Variants in MGAM observed in about 807,000 individuals in gnomAD.
MGAM encodes the protein alpha-1,4-glucosidase.
Under a neutral mutation model 358.8 loss-of-function variants are expected in MGAM, and 253 were observed. That is an observed-to-expected ratio of 0.71 (90% confidence interval 0.64 to 0.78). The LOEUF (loss-of-function observed/expected upper bound fraction) is 0.78, where lower values mean the gene tolerates loss of function less well. MGAM is among the 30% of genes least tolerant of loss of function. The pLI, the probability that MGAM is intolerant of heterozygous loss-of-function variation, is 0.00. For missense variants in MGAM, 3,080 were observed against 3,432.6 expected, an observed-to-expected ratio of 0.90 and a Z score of 2.57; for synonymous variants, 1,105 against 1,227.1, an observed-to-expected ratio of 0.90 and a Z score of 2.08.
rs906251507 is a variant in MGAM, at chr7:142,021,176, A to G, written c.558+93A>G. ...TTACTACAAAATAGAAAATTTTGCTACTGGATGTATTTTTCTATATTGCTA... is the reference window on the plus strand; with the variant it reads ...TTACTACAAAATAGAAAATTTTGCTGCTGGATGTATTTTTCTATATTGCTA... On this transcript the variant is annotated intron_variant, in intron 5 of 70. Transcript: ENST00000475668. 2.3e-4 allele frequency: 197 copies of G among 859,506 alleles called. No homozygotes were observed. The African/African-American group carries it at 2.7e-3, about 12-fold the overall frequency. 53.2% of individuals were successfully genotyped at this position (859,506 alleles called of 1,614,324 possible).
chr7:142,016,425 T>C (rs1805982141), intron 3 of MGAM, among the ~76,000 whole-genome samples: 1 of 152,230 alleles, frequency 6.6e-6, no homozygotes, highest in African/African-American at 2.4e-5. Flanking sequence ...AATTTTACCT[T>C]GTGATTCTTT....
chr7:142,080,868 G>A lies in MGAM; in HGVS notation c.5925G>A (p.Glu1975=). 1.3e-6 allele frequency: 2 copies of A among 1,556,626 alleles called. No homozygotes were observed. The highest frequency in any genetic ancestry group is 2.2e-5 in the South Asian group (2 of 89,256). Residue 1975 remains glutamate, a synonymous_variant, in exon 50 of 71, where the codon GAG becomes GAA. Transcript: ENST00000475668. The part of the protein sequence containing the change: ...NIPSVPSSTP[E]GQLYDVLIKK... The stretch of plus-strand genomic sequence containing the variant: ...CCAGCGTGCCATCCAGCACCCCTGA[G>A]GGTCAACTCTATGATGTCCTCATTA...
intron 21 of MGAM, among the ~76,000 whole-genome samples, chr7:142,045,825 T>C (rs1253575131): frequency 8.1e-6 from 1 of 123,228 alleles, no homozygotes; most frequent in African/African-American, 3.3e-5. Context: ...ATATATGATA[T>C]ATATTATATA....
At position 142,059,579 on chromosome 7, in the gene MGAM, G is replaced by A; in HGVS notation, c.3927G>A (p.Gly1309=). 6.2e-7 allele frequency: 1 copy of A among 1,611,776 alleles called. No individual in the cohort carries two copies. Among genetic ancestry groups the A allele is most frequent in the East Asian group, 2.2e-5 (1 of 44,882 alleles). ...TGATCAATCGCATGAAGGCTGATGG[G>A]ATGCGGGTCATCCTCATTCTGGTTA... ...PALINRMKAD[G]MRVILILDPA... Residue 1309 remains glycine, a synonymous_variant, in exon 32 of 71, where the codon GGG becomes GGA. Coordinates refer to ENST00000475668, the MANE Select transcript of MGAM (RefSeq NM_001365693.1).
chr7:142,021,737 T>C lies in MGAM; in HGVS notation c.710T>C (p.Leu237Ser). The C allele has an allele frequency of 6.2e-7, 1 of 1,613,904 alleles. No individual in the cohort carries two copies. The highest frequency in any genetic ancestry group is 8.5e-7 in the Non-Finnish European group (1 of 1,179,796). ...KVTRRSNNRV[L>S]FDSSIGPLLF... ...ACCAGAAGAAGCAACAATCGTGTTT[T>C]GTAAGTTTTGGAAACCTATCTAAGG... is the stretch of plus-strand genomic sequence containing the variant. The change falls in exon 6 of 71, where the codon TTG becomes TCG. Residue 237 changes from leucine to serine, a missense_variant and splice_region_variant. This residue lies in a region of MGAM where 1,816 missense variants were observed against 1,840.5 expected (regional missense o/e 0.99). Transcript: ENST00000475668.
intron 22 of MGAM, among the ~76,000 whole-genome samples, chr7:142,048,162 T>G (rs186333258): frequency 0.028 from 3,603 of 127,258 alleles, 156 homozygotes; most frequent in African/African-American, 0.091. Flanking sequence ...TTTATTTATT[T>G]ATTTATTGAG....
intron 68 of MGAM, 135 bp from the exon 69 acceptor site, chr7:142,102,495 C>T: frequency 1.2e-6 from 1 of 830,786 alleles, no homozygotes; most frequent in Non-Finnish European, 1.8e-6. Flanking sequence ...ACTCAAAAGA[C>T]AGAAATAAAA....
intron 45 of MGAM, among the ~76,000 whole-genome samples, chr7:142,075,000 A>C (rs1408219898): frequency 6.9e-6 from 1 of 145,552 alleles, no homozygotes; most frequent in South Asian, 2.2e-4. Context: ...TCATCTCCCC[A>C]TTTTCCACTT....
intron 36 of MGAM, 77 bp from the exon 37 acceptor site, chr7:142,064,307 G>C: frequency 6.5e-7 from 1 of 1,547,180 alleles, no homozygotes; most frequent in East Asian, 2.4e-5. Flanking sequence ...TAAGATCCAG[G>C]GCCCAGTCCC....
chr7:142,054,465 A>G (rs1811296537), intron 26 of MGAM, among the ~76,000 whole-genome samples: 1 of 152,142 alleles, frequency 6.6e-6, no homozygotes, highest in Non-Finnish European at 1.5e-5. Flanking sequence ...ACCCACAGAA[A>G]ATAACAAGTA....
At chr7:142,026,964 T>A in intron 8 of MGAM, 151 bp from the exon 9 acceptor site, 3 of 584,834 alleles carry the variant, frequency 5.1e-6, no homozygotes, top group Non-Finnish European at 9.1e-6. Flanking sequence ...ACTTGGATGG[T>A]CAGGGTTTTC....
chr7:142,021,196 T>C (rs1207542128), intron 5 of MGAM, 113 bp downstream of exon 5: 1 of 696,674 alleles, frequency 1.4e-6, no homozygotes, highest in Non-Finnish European at 2.4e-6. Flanking sequence ...TTTTTCTATA[T>C]TGCTATTATT....
At chr7:141,995,120 A>T (rs1183751423), upstream of MGAM, among the ~76,000 whole-genome samples, 2 of 152,178 alleles carry the variant, frequency 1.3e-5, no homozygotes, top group Non-Finnish European at 2.9e-5. Flanking sequence ...ACCTTGCCTT[A>T]TGAATGCGCC....
rs1012327167 is a variant in MGAM, at chr7:142,106,436, A to T, written c.*545A>T. ...AAGGAAAGATCAGATGAAACAGAAGATGATAGTAAAAGTGATCCTAAGTAA... is the reference window on the plus strand; with the variant it reads ...AAGGAAAGATCAGATGAAACAGAAGTTGATAGTAAAAGTGATCCTAAGTAA... On this transcript the variant is annotated 3_prime_UTR_variant, in exon 71 of 71. Coordinates refer to ENST00000475668, the MANE Select transcript of MGAM (RefSeq NM_001365693.1). 6.6e-6 allele frequency: 1 copy of T among 152,314 alleles called. No homozygotes were observed. Among genetic ancestry groups the T allele is most frequent in the Admixed American group, 6.5e-5 (1 of 15,282 alleles). The allele number at this position is 152,314 out of a possible 1,614,324, so 9.4% of individuals were successfully genotyped here.
At chr7:142,103,191 C>T in intron 69 of MGAM, 78 bp from the exon 70 acceptor site, 2 of 1,202,540 alleles carry the variant, frequency 1.7e-6, no homozygotes, top group East Asian at 2.5e-5. Flanking sequence ...TTATGACCTA[C>T]ATTTGTGCCT....
intron 13 of MGAM, 126 bp downstream of exon 13, chr7:142,031,919 T>C (rs1807535772): frequency 3.3e-6 from 2 of 603,700 alleles, no homozygotes; most frequent in African/African-American, 1.9e-5. Flanking sequence ...ACAATCACTC[T>C]CAATATTCAC....
chr7:142,038,644 G>GT, intron 19 of MGAM, 29 bp downstream of exon 19: 1 of 1,503,486 alleles, frequency 6.7e-7, no homozygotes, highest in Non-Finnish European at 9.1e-7. Context: ...ATACACTAGA[G>GT]ATCTCTGCAT....
At chr7:142,041,020 C>T (rs1808478023) in intron 21 of MGAM, among the ~76,000 whole-genome samples, 174 bp downstream of exon 21, 1 of 152,134 alleles carries the variant, frequency 6.6e-6, no homozygotes, top group Non-Finnish European at 1.5e-5. Context: ...TCTGGGCAAA[C>T]CAGGTCAGTT....
upstream of MGAM, among the ~76,000 whole-genome samples, chr7:141,993,286 C>T (rs1407852151): frequency 2.0e-5 from 3 of 152,130 alleles, no homozygotes; most frequent in African/African-American, 7.2e-5. Context: ...TGTGGTAAAA[C>T]AGCAATTGTT....
Sources: allele counts gnomAD v4.1 joint callset (sites outside exome capture counted in the v4.1 genomes callset), GRCh38; gene constraint gnomAD v4.1.1; regional missense constraint gnomAD v4.1.1; transcripts MANE v1.5; gene names NCBI Gene and HGNC (gene_info 2026-07-23, HGNC 2026-07-21).